MTURN: variants seen among roughly 807,000 people sequenced by gnomAD.
MTURN encodes the protein maturin.
MTURN carries 7 observed loss-of-function variants against 14.9 expected under a neutral mutation model. The observed-to-expected ratio is 0.47, with a 90% CI of 0.27 to 0.88. The LOEUF is 0.88. MTURN is among the 40% of genes least tolerant of loss of function. The pLI is 0.14. For synonymous variants in MTURN, 69 were observed against 72.5 expected, an observed-to-expected ratio of 0.95 and a Z score of 0.25; for missense variants, 151 against 174.1, an observed-to-expected ratio of 0.87 and a Z score of 0.75.
intron 1 of MTURN, among the ~76,000 whole-genome samples, chr7:30,136,345 G>A (rs1466199678): frequency 1.3e-5 from 2 of 152,198 alleles, no homozygotes; most frequent in African/African-American, 4.8e-5. Flanking sequence ...CGGTGCTCAT[G>A]AAGTGTTTCC....
At position 30,135,274 on chromosome 7, in the gene MTURN, G is replaced by A; in HGVS notation, c.138G>A (p.Pro46=). 6.5e-7 allele frequency: 1 copy of A among 1,527,692 alleles called. No homozygotes were observed. Among genetic ancestry groups the A allele is most frequent in the Non-Finnish European group, 8.8e-7 (1 of 1,136,936 alleles). 94.6% of individuals were successfully genotyped at this position (1,527,692 alleles called of 1,614,324 possible). A position where few individuals can be genotyped will look rare whatever the true frequency, so the allele number is the denominator to read the frequency against. Residue 46 remains proline (P), a synonymous_variant, in exon 1 of 3, where the codon CCG becomes CCA. Coordinates refer to ENST00000324453, the MANE Select transcript of MTURN (RefSeq NM_152793.3). ...GCGTCTCCTTCTATGTGCTGTGTCC[G>A]GACAACGGCTGCGGCGACAATTTTG... ...DPGVSFYVLC[P]DNGCGDNFHV... is the part of the protein sequence containing the mutation.
intron 2 of MTURN, among the ~76,000 whole-genome samples, chr7:30,148,543 A>AT (rs1403844935): frequency 6.6e-6 from 1 of 152,250 alleles, no homozygotes; most frequent in Admixed American, 6.5e-5. Context: ...CATTGAGGCC[A>AT]TTGCTGTCAT....
Position 30,161,205 on chromosome 7 carries a change from A to G in MTURN, c.*3657A>G, listed in dbSNP as rs1797369298. The G allele has an allele frequency of 6.6e-6, 1 of 152,604 alleles. No individual in the cohort carries two copies. 9.5% of individuals were successfully genotyped at this position (152,604 alleles called of 1,614,324 possible). On this transcript the variant is annotated 3_prime_UTR_variant, in exon 3 of 3. Transcript: ENST00000324453. ...TATGAACAGATCTGATTTCTTACAG[A>G]GAGGCATGAAGGAATAGGCAGGACT...
At chr7:30,138,927 C>T (rs975287212) in intron 1 of MTURN, among the ~76,000 whole-genome samples, 3 of 152,156 alleles carry the variant, frequency 2.0e-5, no homozygotes, top group Admixed American at 6.5e-5. Context: ...CGGCTGGCTC[C>T]TCGATGCTCC....
At chr7:30,138,552 A>G in intron 1 of MTURN, among the ~76,000 whole-genome samples, 1 of 152,004 alleles carries the variant, frequency 6.6e-6, no homozygotes, top group Non-Finnish European at 1.5e-5. Context: ...CGTGTCTCCT[A>G]ATTTGTCTCC....
In MTURN at chr7:30,146,286, A is replaced by T; in HGVS notation, c.272A>T (p.Lys91Met). Residue 91 changes from lysine (K) to methionine (M), a missense_variant, in exon 2 of 3, where the codon AAG becomes ATG. Coordinates refer to ENST00000324453, the MANE Select transcript of MTURN (RefSeq NM_152793.3). The part of the protein sequence containing the change: ...TLHEVLEKVF[K>M]SFRPLLGLPD... ...CACGAAGTCCTGGAAAAAGTCTTCA[A>T]GTCTTTCAGACCTGTAGGTGCCTGC... 1 of 1,614,030 alleles carries T rather than the reference A, an allele frequency of 6.2e-7. No individual in the cohort carries two copies. Among genetic ancestry groups the T allele is most frequent in the Non-Finnish European group, 8.5e-7 (1 of 1,180,038 alleles).
At chr7:30,148,586 A>G (rs777836457) in intron 2 of MTURN, among the ~76,000 whole-genome samples, 9 of 152,190 alleles carry the variant, frequency 5.9e-5, no homozygotes, top group Non-Finnish European at 1.2e-4. Flanking sequence ...CTGGACTGGG[A>G]CGGTCACGGC....
chr7:30,158,579 C>A lies in MTURN; in HGVS notation c.*1031C>A, dbSNP rs952285533. 7 of 151,632 alleles carry A rather than the reference C, an allele frequency of 4.6e-5. 1 individual carries two copies. Among genetic ancestry groups the A allele is most frequent in the Admixed American group, 3.3e-4 (5 of 15,246 alleles). The allele number at this position is 151,632 out of a possible 1,614,324, so 9.4% of individuals were successfully genotyped here. On this transcript the variant is annotated 3_prime_UTR_variant, in exon 3 of 3. Transcript: ENST00000324453. ...AAATTTAATCACATGTTTCGAGGGA[C>A]TTAATTGTGGTGTATTTGTAAAGGG...
rs779963320 is a variant in MTURN, at chr7:30,158,963, T to C, written c.*1415T>C. 6.6e-6 allele frequency: 1 copy of C among 152,170 alleles called. No individual in the cohort carries two copies. Among genetic ancestry groups the C allele is most frequent in the Non-Finnish European group, 1.5e-5 (1 of 68,040 alleles). 9.4% of individuals were successfully genotyped at this position (152,170 alleles called of 1,614,324 possible). ...GTAGCAGCAGAGGCCACAGAACTTATGGGAGTCTTGTATATCTTCCAGGCA... is the reference window on the plus strand; with the variant it reads ...GTAGCAGCAGAGGCCACAGAACTTACGGGAGTCTTGTATATCTTCCAGGCA... On this transcript the variant is annotated 3_prime_UTR_variant, in exon 3 of 3. Transcript: ENST00000324453.
chr7:30,140,260 C>G (rs935603173), intron 1 of MTURN, among the ~76,000 whole-genome samples: 3 of 152,058 alleles, frequency 2.0e-5, no homozygotes, highest in Non-Finnish European at 4.4e-5. Flanking sequence ...CCCAAAGACA[C>G]GTTGGACTCT....
At chr7:30,141,824 G>A (rs1797056730) in intron 1 of MTURN, among the ~76,000 whole-genome samples, 1 of 152,162 alleles carries the variant, frequency 6.6e-6, no homozygotes, top group Non-Finnish European at 1.5e-5. Flanking sequence ...GGCCTGGCCA[G>A]GGATCCATTT....
At chr7:30,138,932 TGCTCCTGAG>T (rs1267359044) in intron 1 of MTURN, among the ~76,000 whole-genome samples, 1 of 152,172 alleles carries the variant, frequency 6.6e-6, no homozygotes, top group Non-Finnish European at 1.5e-5. Context: ...GGCTCCTCGA[TGCTCCTGAG>T]GCCCAAGAGA....
At chr7:30,150,616 C>T (rs922937662) in intron 2 of MTURN, among the ~76,000 whole-genome samples, 8 of 152,296 alleles carry the variant, frequency 5.3e-5, no homozygotes, top group Middle Eastern at 3.4e-3. Context: ...CTGTGGCTTC[C>T]AGCGTATTCG....
At chr7:30,147,504 G>A (rs914555842) in intron 2 of MTURN, among the ~76,000 whole-genome samples, 1 of 152,306 alleles carries the variant, frequency 6.6e-6, no homozygotes, top group South Asian at 2.1e-4. Flanking sequence ...CCAGCTTCAA[G>A]TGGGGATGGT....
intron 1 of MTURN, among the ~76,000 whole-genome samples, chr7:30,141,985 A>G (rs1797059305): frequency 6.6e-6 from 1 of 151,994 alleles, no homozygotes; most frequent in Non-Finnish European, 1.5e-5. Flanking sequence ...TGCCACCCCC[A>G]CCCTGCTTAA....
In MTURN at chr7:30,160,203, A is replaced by T. The variant is rs1361199552; in HGVS notation, c.*2655A>T. 1 of 152,430 alleles carries T rather than the reference A, an allele frequency of 6.6e-6. No individual in the cohort carries two copies. The highest frequency in any genetic ancestry group is 1.5e-5 in the Non-Finnish European group (1 of 68,196). 9.4% of individuals were successfully genotyped at this position (152,430 alleles called of 1,614,324 possible). On this transcript the variant is annotated 3_prime_UTR_variant, in exon 3 of 3. Transcript: ENST00000324453. ...TTTTAGGGATTCGAGAAGAAAATAC[A>T]TGTGGGATCTTGCCAAGGTGCTGCC...
At chr7:30,137,632 A>C in intron 1 of MTURN, 1 of 471,204 alleles carries the variant, frequency 2.1e-6, no homozygotes, top group Non-Finnish European at 4.4e-6. Context: ...GGAGGCTCTA[A>C]TGGACAAGAT....
intron 2 of MTURN, among the ~76,000 whole-genome samples, chr7:30,152,448 G>A (rs1797226945): frequency 1.3e-5 from 2 of 152,226 alleles, no homozygotes; most frequent in African/African-American, 2.4e-5. Context: ...ACCTGGGAGT[G>A]TGTTAGAGAT....
intron 1 of MTURN, among the ~76,000 whole-genome samples, chr7:30,136,442 C>G (rs1050297413): frequency 6.6e-6 from 1 of 152,012 alleles, no homozygotes; most frequent in African/African-American, 2.4e-5. Context: ...GCCTTGTGGG[C>G]GGAGGTGGGG....
Sources: gnomAD v4.1 joint callset for allele counts (sites outside exome capture counted in the v4.1 genomes callset) on GRCh38, gnomAD v4.1.1 for gene constraint, MANE v1.5 for transcripts, NCBI Gene and HGNC (gene_info 2026-07-23, HGNC 2026-07-21) for gene names.